UNC13C: variants seen among roughly 807,000 people sequenced by gnomAD.
The protein encoded by UNC13C is unc-13 homolog C, also known as protein unc-13 homolog C.
A neutral mutation model predicts 245.4 loss-of-function variants in UNC13C; 174 were observed. The ratio of observed to expected loss-of-function variants is 0.71; its 90% CI spans 0.63 to 0.80. UNC13C has a LOEUF of 0.80. UNC13C is among the 30% of genes least tolerant of loss of function. The pLI, the probability that UNC13C is intolerant of heterozygous loss-of-function variation, is 0.00. For missense variants in UNC13C, 2,829 were observed against 2,602.9 expected (o/e 1.09, Z -1.89); for synonymous variants, 992 against 895.1 (o/e 1.11, Z -1.93).
intron 2 of UNC13C, among the ~76,000 whole-genome samples, chr15:54,065,264 C>T (rs888153381): frequency 1.8e-4 from 27 of 152,186 alleles, no homozygotes; most frequent in Non-Finnish European, 7.3e-5. Context: ...AGCTACAGGA[C>T]TTCTGCTATT....
intron 19 of UNC13C, among the ~76,000 whole-genome samples, chr15:54,470,532 T>A (rs1567303452): frequency 6.6e-6 from 1 of 151,596 alleles, no homozygotes; most frequent in Non-Finnish European, 1.5e-5. Context: ...AGTTTGCATA[T>A]AGTTGTTCAC....
At chr15:54,449,649 C>T (rs1484294664) in intron 19 of UNC13C, among the ~76,000 whole-genome samples, 1 of 152,194 alleles carries the variant, frequency 6.6e-6, no homozygotes, top group East Asian at 1.9e-4. Flanking sequence ...GACTTCTCTG[C>T]ATTGGTTATT....
At chr15:54,365,953 C>T (rs147023914) in intron 17 of UNC13C, among the ~76,000 whole-genome samples, 3 of 152,184 alleles carry the variant, frequency 2.0e-5, no homozygotes, top group Non-Finnish European at 4.4e-5. Context: ...CTTGAAGACC[C>T]TTAGAATTAT....
the UNC13C span, among the ~76,000 whole-genome samples, chr15:53,887,035 G>A: frequency 1.3e-5 from 2 of 152,242 alleles, no homozygotes; most frequent in Non-Finnish European, 2.9e-5. Context: ...TATCCTGTAT[G>A]GAATCCTGGA....
intron 22 of UNC13C, among the ~76,000 whole-genome samples, chr15:54,505,769 A>G (rs1481736743): frequency 8.5e-5 from 12 of 141,602 alleles, no homozygotes; most frequent in Non-Finnish European, 1.7e-4. Context: ...TTTTGAGACA[A>G]TCTCGCTCTG....
chr15:53,895,153 C>G, the UNC13C span, among the ~76,000 whole-genome samples: 1 of 151,728 alleles, frequency 6.6e-6, no homozygotes, highest in African/African-American at 2.4e-5. Flanking sequence ...CACTTGAGGT[C>G]AGGAGTTTGA....
At chr15:54,603,515 G>A (rs904676617) in intron 30 of UNC13C, among the ~76,000 whole-genome samples, 3 of 152,128 alleles carry the variant, frequency 2.0e-5, no homozygotes, top group Non-Finnish European at 4.4e-5. Flanking sequence ...ATACTCCAGT[G>A]TGGATCTATA....
chr15:53,872,348 ATT>A, the UNC13C span, among the ~76,000 whole-genome samples: 18 of 151,368 alleles, frequency 1.2e-4, no homozygotes, highest in Non-Finnish European at 1.9e-4. Flanking sequence ...CCATTCATAG[ATT>A]TTTTTTTTTC....
At chr15:54,231,513 A>G (rs1170690152) in intron 4 of UNC13C, among the ~76,000 whole-genome samples, 3 of 151,936 alleles carry the variant, frequency 2.0e-5, no homozygotes, top group South Asian at 2.1e-4. Context: ...TCATTTTCTT[A>G]TTTATAAAAT....
At chr15:54,542,965 G>A (rs576309479) in intron 26 of UNC13C, among the ~76,000 whole-genome samples, 63 of 152,232 alleles carry the variant, frequency 4.1e-4, no homozygotes, top group African/African-American at 1.3e-3. Context: ...TTACCAGTCT[G>A]TGTCTTTTAA....
chr15:54,038,612 T>C (rs78281936), intron 2 of UNC13C, among the ~76,000 whole-genome samples: 1,904 of 152,302 alleles, frequency 0.013, 42 homozygotes, highest in African/African-American at 0.044. Context: ...AAAACTTTGA[T>C]AAACAGAATC....
chr15:54,516,856 ATTT>A (rs1895004930), intron 24 of UNC13C, among the ~76,000 whole-genome samples: 1 of 149,938 alleles, frequency 6.7e-6, no homozygotes, highest in South Asian at 2.1e-4. Flanking sequence ...CGTTTTTCTT[ATTT>A]GTACACCAGT....
chr15:54,593,279 T>G (rs1338352536), intron 30 of UNC13C, among the ~76,000 whole-genome samples: 3 of 152,248 alleles, frequency 2.0e-5, no homozygotes, highest in Admixed American at 2.0e-4. Context: ...TTGATGGCCA[T>G]GTGCCTAGGC....
chr15:54,622,296 C>G lies in UNC13C; in HGVS notation c.6107-31C>G, dbSNP rs370022804. The G allele has an allele frequency of 6.7e-6, 10 of 1,489,400 alleles. No individual in the cohort carries two copies. In the African/African-American group the frequency reaches 1.2e-4, roughly 19 times the overall value. 92.3% of individuals were successfully genotyped at this position (1,489,400 alleles called of 1,614,324 possible). ...TGTCCATTATTAATGAGTCTGAAAGCTCAGGCCAGTAAGCCTCTGCTTATT... is the reference window on the plus strand; with the variant it reads ...TGTCCATTATTAATGAGTCTGAAAGGTCAGGCCAGTAAGCCTCTGCTTATT... On this transcript the variant is annotated intron_variant, in intron 30 of 32. Coordinates refer to ENST00000260323, the MANE Select transcript of UNC13C (RefSeq NM_001080534.3).
intron 19 of UNC13C, among the ~76,000 whole-genome samples, chr15:54,463,276 G>GGGT (rs1567297226): frequency 1.3e-5 from 1 of 74,526 alleles, no homozygotes; most frequent in African/African-American, 4.8e-5. Context: ...GGGGGGGGGG[G>GGGT]GGGGGGCCGG....
intron 4 of UNC13C, among the ~76,000 whole-genome samples, chr15:54,215,052 A>C (rs1277094529): frequency 6.6e-6 from 1 of 151,944 alleles, no homozygotes; most frequent in Non-Finnish European, 1.5e-5. Context: ...ATTTAGGTAC[A>C]CAGAACATTA....
intron 1 of UNC13C, among the ~76,000 whole-genome samples, chr15:54,002,549 G>A (rs1156565080): frequency 1.3e-5 from 2 of 152,160 alleles, no homozygotes; most frequent in East Asian, 1.9e-4. Context: ...TAGGACACTC[G>A]GGTGGTAATG....
At chr15:54,269,600 C>A (rs2036633390) in intron 10 of UNC13C, among the ~76,000 whole-genome samples, 2 of 152,080 alleles carry the variant, frequency 1.3e-5, no homozygotes, top group Non-Finnish European at 2.9e-5. Context: ...CTACCTAGGA[C>A]CACCCAAGTA....
chr15:53,980,222 A>T (rs1052107408), intron 1 of UNC13C, among the ~76,000 whole-genome samples: 15 of 152,238 alleles, frequency 9.9e-5, no homozygotes, highest in Admixed American at 2.6e-4. Context: ...TATCTGGAGC[A>T]CTTAGGCCGT....
Sources: allele counts gnomAD v4.1 joint callset (sites outside exome capture counted in the v4.1 genomes callset), GRCh38; gene constraint gnomAD v4.1.1; transcripts MANE v1.5; gene names NCBI Gene and HGNC (gene_info 2026-07-23, HGNC 2026-07-21).